Variants in EBF1 observed in about 807,000 individuals in gnomAD.
The protein encoded by EBF1 is transcription factor COE1.
A neutral mutation model predicts 68.4 loss-of-function variants in EBF1; 10 were observed. The ratio of observed to expected loss-of-function variants is 0.15; its 90% CI spans 0.09 to 0.25. The LOEUF is 0.25. EBF1 is among the 10% of genes least tolerant of loss of function. The probability of loss-of-function intolerance (pLI) is 1.00; values close to 1 mark genes in which losing one functional copy is unlikely to be tolerated. For missense variants in EBF1, 509 were observed against 794.4 expected (o/e 0.64, Z 4.32); for synonymous variants, 298 against 299.8 (o/e 0.99, Z 0.06).
chr5:158,700,143 T>A (rs10054810), intron 15 of EBF1, among the ~76,000 whole-genome samples: 2,364 of 152,376 alleles, frequency 0.016, 78 homozygotes, highest in African/African-American at 0.054. Flanking sequence ...TCACTTCTGC[T>A]ACTAAACTAG....
Position 159,027,940 on chromosome 5 carries a change from A to T in EBF1, c.554+45456T>A, listed in dbSNP as rs140552106. ...TCTTTCATTTACTCTCTTCTGGAAAAATGAACTTTAGCCCATTTATCTTCC... is the reference window on the plus strand; with the variant it reads ...TCTTTCATTTACTCTCTTCTGGAAATATGAACTTTAGCCCATTTATCTTCC... On this transcript the variant is annotated intron_variant, in intron 6 of 15. Transcript: ENST00000313708. Among the ~76,000 whole-genome samples, 9 of 152,326 alleles carry T rather than the reference A, an allele frequency of 5.9e-5. No individual in the cohort carries two copies. The East Asian group carries it at 1.7e-3, about 29-fold the overall frequency.
At chr5:158,939,505 C>T (rs1249892320) in intron 6 of EBF1, among the ~76,000 whole-genome samples, 1 of 152,208 alleles carries the variant, frequency 6.6e-6, no homozygotes, top group Non-Finnish European at 1.5e-5. Context: ...ATCTCCAGCA[C>T]ACCTGGCTCA....
chr5:158,902,996 A>G (rs1439035989), intron 6 of EBF1, among the ~76,000 whole-genome samples: 1 of 152,134 alleles, frequency 6.6e-6, no homozygotes, highest in African/African-American at 2.4e-5. Flanking sequence ...GGCACAAAAG[A>G]TTTTCCTTAA....
chr5:159,036,307 T>TAAAGTTCATATGGAACCAAA (rs1441302550), intron 6 of EBF1, among the ~76,000 whole-genome samples: 16 of 152,156 alleles, frequency 1.1e-4, no homozygotes, highest in African/African-American at 3.9e-4. Context: ...AAAACTACTT[T>TAAAGTTCATATGGAACCAAA]AAAGTTCATA....
At chr5:158,791,105 T>A (rs1581916105) in intron 9 of EBF1, among the ~76,000 whole-genome samples, 1 of 151,836 alleles carries the variant, frequency 6.6e-6, no homozygotes, top group Non-Finnish European at 1.5e-5. Flanking sequence ...CAGATCACGA[T>A]GTCAGGAGTT....
At chr5:159,010,155 C>A (rs1764336627) in intron 6 of EBF1, among the ~76,000 whole-genome samples, 1 of 152,170 alleles carries the variant, frequency 6.6e-6, no homozygotes, top group African/African-American at 2.4e-5. Flanking sequence ...TATGCTAAGT[C>A]ATGGGCAAAT....
chr5:159,034,435 C>T (rs1769609558), intron 6 of EBF1, among the ~76,000 whole-genome samples: 1 of 152,132 alleles, frequency 6.6e-6, no homozygotes, highest in African/African-American at 2.4e-5. Flanking sequence ...AGGTTGTACA[C>T]TAAAGGCAGT....
At chr5:159,056,418 C>T (rs1431456694) in intron 6 of EBF1, among the ~76,000 whole-genome samples, 1 of 152,188 alleles carries the variant, frequency 6.6e-6, no homozygotes, top group Non-Finnish European at 1.5e-5. Flanking sequence ...CAACTCCCCA[C>T]CTCTCCCTCT....
intron 4 of EBF1, among the ~76,000 whole-genome samples, chr5:159,092,938 A>C (rs1781919381): frequency 1.3e-5 from 2 of 152,226 alleles, no homozygotes. Flanking sequence ...TTATATCAAG[A>C]CTTACATCTG....
intron 6 of EBF1, among the ~76,000 whole-genome samples, chr5:158,889,415 A>G (rs945687017): frequency 6.6e-6 from 1 of 152,192 alleles, no homozygotes; most frequent in Non-Finnish European, 1.5e-5. Flanking sequence ...TTAAAATTTT[A>G]AAAATAAATT....
At chr5:158,779,097 C>A (rs1775896076) in intron 9 of EBF1, among the ~76,000 whole-genome samples, 1 of 152,104 alleles carries the variant, frequency 6.6e-6, no homozygotes, top group Non-Finnish European at 1.5e-5. Flanking sequence ...AAATCAAGAG[C>A]ATGTTAATTG....
chr5:158,725,171 T>TTGAG (rs1401680660), intron 11 of EBF1, among the ~76,000 whole-genome samples: 2 of 152,306 alleles, frequency 1.3e-5, no homozygotes, highest in African/African-American at 4.8e-5. Context: ...CAAGGAAGCC[T>TTGAG]TGAGTTCCTT....
At position 158,731,119 on chromosome 5, in the gene EBF1, A is replaced by C. The variant is rs1366075601; in HGVS notation, c.1075T>G (p.Leu359Val). The change falls in exon 11 of 16, where the codon TTA becomes GTA. Residue 359 changes from leucine to valine, a missense_variant. Leu to Val is a conservative substitution (Grantham distance 32). Around this residue, in one of 3 missense-constraint regions of EBF1, gnomAD observed 230 missense variants for 467.7 expected, o/e 0.49. Coordinates refer to ENST00000313708, the MANE Select transcript of EBF1 (RefSeq NM_024007.5). ...EPTIDYGFQR[L>V]QKVIPRHPGD... ...GGGTGCCGAGGAATGACCTTCTGTAACCTCTGGAAACCATAATCGATGGTG... is the reference window on the plus strand; with the variant it reads ...GGGTGCCGAGGAATGACCTTCTGTACCCTCTGGAAACCATAATCGATGGTG... The C allele has an allele frequency of 6.2e-7, 1 of 1,613,968 alleles. No individual in the cohort carries two copies. The highest frequency in any genetic ancestry group is 1.3e-5 in the African/African-American group (1 of 74,934).
intron 10 of EBF1, among the ~76,000 whole-genome samples, chr5:158,773,747 AG>A (rs1168104904): frequency 2.6e-5 from 4 of 152,324 alleles, no homozygotes; most frequent in African/African-American, 9.6e-5. Flanking sequence ...GGTGCCTAAG[AG>A]TCTTTTATTA....
intron 10 of EBF1, among the ~76,000 whole-genome samples, chr5:158,772,123 T>C (rs1179193557): frequency 6.6e-6 from 1 of 152,146 alleles, no homozygotes; most frequent in Non-Finnish European, 1.5e-5. Flanking sequence ...GAGGGAAGGT[T>C]TCTCTGCAGG....
chr5:158,835,700 C>T (rs151200157), intron 7 of EBF1, among the ~76,000 whole-genome samples: 131 of 152,204 alleles, frequency 8.6e-4, no homozygotes, highest in African/African-American at 2.9e-3. Flanking sequence ...TGTTCCAAAA[C>T]ATCAGAAAAT....
intron 7 of EBF1, among the ~76,000 whole-genome samples, chr5:158,834,042 C>T (rs191899917): frequency 6.6e-5 from 10 of 152,214 alleles, no homozygotes; most frequent in Non-Finnish European, 1.3e-4. Flanking sequence ...AATGGAAAAA[C>T]TTTATTGAAG....
rs374945242 is a variant in EBF1 at position 159,038,525 on chromosome 5, A to C, written c.554+34871T>G. Among the ~76,000 whole-genome samples, 15 of 152,332 alleles carry C rather than the reference A, an allele frequency of 9.8e-5. No homozygotes were observed. In the South Asian group the frequency reaches 3.1e-3, roughly 32 times the overall value. ...CATACAGGAGGAGAGTATGGGGGTGAAAGAAATTAGCAAAGAGGCCATGCC... is the reference window on the plus strand; with the variant it reads ...CATACAGGAGGAGAGTATGGGGGTGCAAGAAATTAGCAAAGAGGCCATGCC... On this transcript the variant is annotated intron_variant, in intron 6 of 15. Coordinates refer to ENST00000313708, the MANE Select transcript of EBF1 (RefSeq NM_024007.5).
chr5:158,799,641 T>G lies in EBF1; in HGVS notation c.779-3166A>C, dbSNP rs556275996. Among the ~76,000 whole-genome samples, 153 of 152,162 alleles carry G rather than the reference T, an allele frequency of 1.0e-3. 1 individual carries two copies. The highest frequency in any genetic ancestry group is 2.0e-3 in the Non-Finnish European group (135 of 67,996). On this transcript the variant is annotated intron_variant, in intron 8 of 15. Transcript: ENST00000313708. Reference sequence around the variant, plus strand: ...AAGACATACAAACGAATGCAGCAGCTCAGGATCTCAGAACAAGCATGAGAT... The same window carrying G: ...AAGACATACAAACGAATGCAGCAGCGCAGGATCTCAGAACAAGCATGAGAT...
Sources: gnomAD v4.1 joint callset for allele counts (sites outside exome capture counted in the v4.1 genomes callset) on GRCh38, gnomAD v4.1.1 for gene constraint, gnomAD v4.1.1 regional missense constraint, MANE v1.5 for transcripts, NCBI Gene and HGNC (gene_info 2026-07-23, HGNC 2026-07-21) for gene names.